Variants in ARFGEF3 observed in about 807,000 individuals in gnomAD.
ARFGEF3 encodes the protein ARFGEF family member 3, also known as brefeldin A-inhibited guanine nucleotide-exchange protein 3.
A neutral mutation model predicts 221.7 loss-of-function variants in ARFGEF3; 96 were observed. The observed-to-expected ratio is 0.43, with a 90% CI of 0.37 to 0.51. The LOEUF (loss-of-function observed/expected upper bound fraction) is 0.51, where lower values mean the gene tolerates loss of function less well. Among genes scored for constraint, ARFGEF3 ranks in the 20% least tolerant of loss-of-function variants. ARFGEF3 has a pLI of 0.00. For synonymous variants in ARFGEF3, 1,145 were observed against 1,126.8 expected (o/e 1.02, Z -0.32); for missense variants, 2,410 against 2,789.9 (o/e 0.86, Z 3.07).
At chr6:138,276,085 A>G (rs1430038595) in intron 12 of ARFGEF3, among the ~76,000 whole-genome samples, 1 of 151,570 alleles carries the variant, frequency 6.6e-6, no homozygotes, top group Non-Finnish European at 1.5e-5. Flanking sequence ...AAATCTCTCA[A>G]GGTGCTCTGA....
rs1037801603 is a variant in ARFGEF3 at position 138,336,708 on chromosome 6, A to C, written c.*222A>C. The stretch of plus-strand genomic sequence containing the variant: ...CACAAACGATATTCTGATTTTGCAC[A>C]TTATTATAGAAGAATCTATAATCCT... On this transcript the variant is annotated 3_prime_UTR_variant, in exon 34 of 34. Coordinates refer to ENST00000251691, the MANE Select transcript of ARFGEF3 (RefSeq NM_020340.5). The C allele has an allele frequency of 7.9e-6, 3 of 380,402 alleles. No individual in the cohort carries two copies. In the South Asian group the frequency reaches 2.3e-4, roughly 29 times the overall value. 23.6% of individuals were successfully genotyped at this position (380,402 alleles called of 1,614,324 possible).
At position 138,263,574 on chromosome 6, in the gene ARFGEF3, C is replaced by G. The variant is rs1198315090; in HGVS notation, c.2091C>G (p.Asp697Glu). The change falls in exon 12 of 34, where the codon GAC (aspartate) becomes GAG (glutamate). Residue 697 changes from aspartate to glutamate, a missense_variant. Physicochemically the swap from Asp to Glu is conservative, Grantham distance 45 (BLOSUM62 2). Coordinates refer to ENST00000251691, the MANE Select transcript of ARFGEF3 (RefSeq NM_020340.5). ...LLSLSNVEEVDTALQNFASTF... is the reference protein window; with the variant it reads ...LLSLSNVEEVETALQNFASTF... ...CTCTCTCCAATGTAGAGGAGGTGGA[C>G]ACCGCTCTGCAGAACTTTGCCTCTA... is the stretch of plus-strand genomic sequence containing the variant. 6.2e-7 allele frequency: 1 copy of G among 1,609,702 alleles called. No individual in the cohort carries two copies. The highest frequency in any genetic ancestry group is 8.5e-7 in the Non-Finnish European group (1 of 1,178,350).
chr6:138,320,105 T>C (rs1267185075), intron 28 of ARFGEF3, among the ~76,000 whole-genome samples: 1 of 152,116 alleles, frequency 6.6e-6, no homozygotes, highest in East Asian at 1.9e-4. Flanking sequence ...ATGCTCAAAA[T>C]ATATGTGTGG....
chr6:138,315,863 T>A (rs1343052670), intron 26 of ARFGEF3, among the ~76,000 whole-genome samples: 4 of 144,190 alleles, frequency 2.8e-5, no homozygotes, highest in Middle Eastern at 3.6e-3. Flanking sequence ...AAAAAAAAAA[T>A]TCTCACAAGT....
At chr6:138,321,070 A>G in intron 28 of ARFGEF3, 41 bp from the exon 29 acceptor site, 2 of 1,194,464 alleles carry the variant, frequency 1.7e-6, no homozygotes, top group Non-Finnish European at 2.4e-6. Flanking sequence ...ACCCCTTTAC[A>G]CTAGAGCTGT....
At chr6:138,227,100 G>A (rs1778099711) in intron 4 of ARFGEF3, among the ~76,000 whole-genome samples, 1 of 151,644 alleles carries the variant, frequency 6.6e-6, no homozygotes, top group Admixed American at 6.6e-5. Context: ...CCAGACATTA[G>A]GTGTGGAAAG....
At chr6:138,189,721 A>G (rs919631627) in intron 2 of ARFGEF3, among the ~76,000 whole-genome samples, 14 of 152,168 alleles carry the variant, frequency 9.2e-5, no homozygotes, top group African/African-American at 2.4e-4. Context: ...GATTTTAACA[A>G]TTGGTCAAAA....
chr6:138,322,651 C>T (rs990551848), intron 29 of ARFGEF3, among the ~76,000 whole-genome samples: 12 of 151,652 alleles, frequency 7.9e-5, no homozygotes, highest in South Asian at 4.2e-4. Context: ...AAAAATTAGC[C>T]GGGTGTGGTG....
intron 8 of ARFGEF3, among the ~76,000 whole-genome samples, chr6:138,250,215 G>A (rs184921289): frequency 6.6e-6 from 1 of 152,260 alleles, no homozygotes; most frequent in East Asian, 1.9e-4. Context: ...ACTCTTGGGA[G>A]GATTCAGAAA....
intron 14 of ARFGEF3, among the ~76,000 whole-genome samples, chr6:138,285,028 A>G (rs959157295): frequency 2.6e-5 from 4 of 152,224 alleles, no homozygotes; most frequent in Non-Finnish European, 5.9e-5. Context: ...TATGCAGTTC[A>G]TGGTTGACCA....
chr6:138,206,897 T>G, intron 2 of ARFGEF3, 145 bp from the exon 3 acceptor site: 2 of 636,874 alleles, frequency 3.1e-6, no homozygotes, highest in Admixed American at 2.6e-5. Context: ...GTGTTTTCTC[T>G]TAAGCCCATG....
chr6:138,318,537 TTAC>T (rs1779966576), intron 27 of ARFGEF3, among the ~76,000 whole-genome samples: 1 of 152,208 alleles, frequency 6.6e-6, no homozygotes, highest in Non-Finnish European at 1.5e-5. Flanking sequence ...GAATAATTAC[TTAC>T]AAAGCATTAT....
intron 2 of ARFGEF3, among the ~76,000 whole-genome samples, chr6:138,190,526 G>T (rs890496000): frequency 6.6e-6 from 1 of 152,202 alleles, no homozygotes; most frequent in African/African-American, 2.4e-5. Context: ...ATTTAAACTA[G>T]TCTGATGCTT....
chr6:138,244,640 C>G (rs562077655), intron 7 of ARFGEF3, among the ~76,000 whole-genome samples: 2 of 152,196 alleles, frequency 1.3e-5, no homozygotes, highest in Non-Finnish European at 2.9e-5. Flanking sequence ...CTGACATTGA[C>G]TGTTGCTTCA....
chr6:138,207,295 ATT>A (rs1411350960), intron 3 of ARFGEF3, among the ~76,000 whole-genome samples, 172 bp downstream of exon 3: 1 of 152,226 alleles, frequency 6.6e-6, no homozygotes, highest in Non-Finnish European at 1.5e-5. Context: ...ATTCACCAGA[ATT>A]TCTCTGTACA....
At chr6:138,310,463 A>C (rs1779805829) in intron 24 of ARFGEF3, among the ~76,000 whole-genome samples, 1 of 152,258 alleles carries the variant, frequency 6.6e-6, no homozygotes, top group South Asian at 2.1e-4. Flanking sequence ...CAATAAAGAC[A>C]GTATGACCTG....
intron 1 of ARFGEF3, among the ~76,000 whole-genome samples, chr6:138,165,954 T>C (rs563894345): frequency 6.6e-6 from 1 of 152,340 alleles, no homozygotes; most frequent in African/African-American, 2.4e-5. Context: ...AGTCCTCTAG[T>C]CAAAGAATGA....
At chr6:138,200,257 A>G (rs971570608) in intron 2 of ARFGEF3, among the ~76,000 whole-genome samples, 1 of 152,176 alleles carries the variant, frequency 6.6e-6, no homozygotes, top group Non-Finnish European at 1.5e-5. Context: ...GCCAAAAACA[A>G]TCTATAAATT....
intron 12 of ARFGEF3, among the ~76,000 whole-genome samples, chr6:138,275,375 C>T (rs1779078770): frequency 1.3e-5 from 2 of 152,136 alleles, no homozygotes; most frequent in Non-Finnish European, 2.9e-5. Context: ...ATACTGCCCT[C>T]AAATATGGCA....
Sources: allele counts gnomAD v4.1 joint callset (sites outside exome capture counted in the v4.1 genomes callset), GRCh38; gene constraint gnomAD v4.1.1; transcripts MANE v1.5; gene names NCBI Gene and HGNC (gene_info 2026-07-23, HGNC 2026-07-21).